CLVS1: variants seen among roughly 807,000 people sequenced by gnomAD.
CLVS1 encodes the protein clavesin 1, also known as clavesin-1.
A neutral mutation model predicts 33.1 loss-of-function variants in CLVS1; 10 were observed. The observed-to-expected ratio is 0.30, with a 90% confidence interval of 0.19 to 0.51. The LOEUF (loss-of-function observed/expected upper bound fraction) is 0.51, where lower values mean the gene tolerates loss of function less well. CLVS1 is among the 20% of genes least tolerant of loss of function. The probability of loss-of-function intolerance (pLI) is 0.97; values close to 1 mark genes in which losing one functional copy is unlikely to be tolerated. For synonymous variants in CLVS1, 163 were observed against 166.1 expected (o/e 0.98, Z 0.14); for missense variants, 343 against 433.4 (o/e 0.79, Z 1.85).
intron 2 of CLVS1, among the ~76,000 whole-genome samples, chr8:61,359,577 A>T (rs1812885342): frequency 6.6e-6 from 1 of 152,062 alleles, no homozygotes; most frequent in African/African-American, 2.4e-5. Flanking sequence ...GCTGGTCTTG[A>T]ACTCCTGGCC....
chr8:61,357,811 CTT>C (rs1812802337), intron 2 of CLVS1, among the ~76,000 whole-genome samples: 1 of 152,096 alleles, frequency 6.6e-6, no homozygotes, highest in Non-Finnish European at 1.5e-5. Flanking sequence ...CCATCCCTGG[CTT>C]CCCAAAGTGC....
At chr8:61,212,646 A>G (rs1585692969) in intron 2 of CLVS1, among the ~76,000 whole-genome samples, 2 of 152,140 alleles carry the variant, frequency 1.3e-5, no homozygotes, top group Admixed American at 1.3e-4. Flanking sequence ...CAGTGATAGG[A>G]GCTAAGGTGG....
At chr8:61,000,529 G>T in the CLVS1 span, among the ~76,000 whole-genome samples, 1 of 152,182 alleles carries the variant, frequency 6.6e-6, no homozygotes, top group South Asian at 2.1e-4. Flanking sequence ...AACCTATGAA[G>T]AATGAGGCAA....
At chr8:61,011,010 T>C in the CLVS1 span, among the ~76,000 whole-genome samples, 1 of 152,232 alleles carries the variant, frequency 6.6e-6, no homozygotes, top group African/African-American at 2.4e-5. Flanking sequence ...CCCGTATCTG[T>C]TACATGCTTT....
At chr8:61,017,929 C>A in the CLVS1 span, among the ~76,000 whole-genome samples, 2 of 152,232 alleles carry the variant, frequency 1.3e-5, no homozygotes, top group Non-Finnish European at 2.9e-5. Flanking sequence ...TAGTGATCAA[C>A]TTCACTGCAT....
At chr8:61,274,974 A>G (rs1041519476) in intron 2 of CLVS1, among the ~76,000 whole-genome samples, 1 of 152,208 alleles carries the variant, frequency 6.6e-6, no homozygotes, top group Non-Finnish European at 1.5e-5. Flanking sequence ...CAAAGAATTA[A>G]TGAAGTTTTT....
chr8:61,197,266 T>C (rs926937588), intron 2 of CLVS1, among the ~76,000 whole-genome samples: 3 of 152,188 alleles, frequency 2.0e-5, no homozygotes, highest in Admixed American at 6.5e-5. Context: ...CCCAGCACCA[T>C]GTATTGAAGA....
chr8:61,101,402 T>G (rs1449957819), intron 1 of CLVS1, among the ~76,000 whole-genome samples: 1 of 152,180 alleles, frequency 6.6e-6, no homozygotes, highest in African/African-American at 2.4e-5. Flanking sequence ...GTCTTACATG[T>G]GTTTGTATAT....
chr8:61,390,688 C>T (rs1343099223), intron 3 of CLVS1, among the ~76,000 whole-genome samples: 5 of 152,156 alleles, frequency 3.3e-5, no homozygotes, highest in African/African-American at 1.2e-4. Context: ...TTTGTATTCT[C>T]TTTTCTGTGT....
intron 3 of CLVS1, among the ~76,000 whole-genome samples, chr8:61,409,903 A>C (rs1054449128): frequency 6.6e-6 from 1 of 152,080 alleles, no homozygotes; most frequent in African/African-American, 2.4e-5. Context: ...TTTCATGTTT[A>C]AGTGGAATTT....
At chr8:61,433,853 G>T (rs1220693149) in intron 3 of CLVS1, among the ~76,000 whole-genome samples, 3 of 152,102 alleles carry the variant, frequency 2.0e-5, no homozygotes. Context: ...AGTGGAGGTT[G>T]CAGTGAGCCA....
intron 2 of CLVS1, among the ~76,000 whole-genome samples, chr8:61,133,359 G>T (rs1806136328): frequency 6.6e-6 from 1 of 152,184 alleles, no homozygotes; most frequent in South Asian, 2.1e-4. Context: ...CTTGAAGAGT[G>T]GGTATAGAGT....
intron 1 of CLVS1, among the ~76,000 whole-genome samples, chr8:61,121,095 G>A (rs1009768780): frequency 5.3e-5 from 8 of 151,754 alleles, no homozygotes; most frequent in South Asian, 2.1e-4. Context: ...TTTTAAGCCC[G>A]TGGGAAAAGC....
chr8:61,244,944 TC>T (rs1460407301), intron 2 of CLVS1, among the ~76,000 whole-genome samples: 2 of 152,194 alleles, frequency 1.3e-5, no homozygotes, highest in Admixed American at 1.3e-4. Flanking sequence ...TTTTCTACAA[TC>T]CTGTCAAGAA....
At chr8:61,130,376 C>G (rs1286899439) in intron 1 of CLVS1, among the ~76,000 whole-genome samples, 2 of 152,060 alleles carry the variant, frequency 1.3e-5, no homozygotes, top group African/African-American at 4.8e-5. Flanking sequence ...CAGTATGGAG[C>G]CCTTGTGCAT....
At chr8:61,083,044 G>T (rs1290467496) in intron 1 of CLVS1, among the ~76,000 whole-genome samples, 1 of 152,112 alleles carries the variant, frequency 6.6e-6, no homozygotes, top group East Asian at 1.9e-4. Flanking sequence ...CATTAAGGAG[G>T]TTTGTCACCA....
intron 2 of CLVS1, among the ~76,000 whole-genome samples, chr8:61,340,333 T>C (rs946916564): frequency 6.6e-6 from 1 of 152,218 alleles, no homozygotes; most frequent in African/African-American, 2.4e-5. Flanking sequence ...TTGTGTCCTT[T>C]GACCAACATC....
At chr8:60,996,565 C>T in the CLVS1 span, among the ~76,000 whole-genome samples, 2 of 152,192 alleles carry the variant, frequency 1.3e-5, no homozygotes, top group African/African-American at 2.4e-5. Flanking sequence ...CCAGGCCCAC[C>T]TTGGACAGTT....
intron 2 of CLVS1, among the ~76,000 whole-genome samples, chr8:61,305,369 T>C (rs1810585390): frequency 6.6e-6 from 1 of 152,030 alleles, no homozygotes; most frequent in African/African-American, 2.4e-5. Context: ...ACCAATCTAC[T>C]CTCTATCTTC....
Sources: allele counts gnomAD v4.1 joint callset (sites outside exome capture counted in the v4.1 genomes callset), GRCh38; gene constraint gnomAD v4.1.1; transcripts MANE v1.5; gene names NCBI Gene and HGNC (gene_info 2026-07-23, HGNC 2026-07-21).